The following ZNF410 variants were observed in gnomAD, a reference collection of about 807,000 sequenced individuals.
ZNF410 encodes another partner for ARF 1.
Under a neutral mutation model 54.8 loss-of-function variants are expected in ZNF410, and 18 were observed. The observed-to-expected ratio is 0.33, with a 90% CI of 0.23 to 0.49. The LOEUF (loss-of-function observed/expected upper bound fraction) is 0.49, where lower values mean the gene tolerates loss of function less well. ZNF410 is among the 20% of genes least tolerant of loss of function. The pLI, the probability that ZNF410 is intolerant of heterozygous loss-of-function variation, is 0.99. For synonymous variants in ZNF410, 191 were observed against 207.3 expected (o/e 0.92, Z 0.68); for missense variants, 405 against 569.6 (o/e 0.71, Z 2.94).
chr14:73,892,999 G>A lies in ZNF410; in HGVS notation c.33+791G>A, dbSNP rs567413819. Among the ~76,000 whole-genome samples the A allele has an allele frequency of 1.1e-4, 17 of 152,102 alleles. No homozygotes were observed. The South Asian group carries it at 1.9e-3, about 17-fold the overall frequency. On this transcript the variant is annotated intron_variant, in intron 2 of 11. Transcript: ENST00000555044. ...TGGGAGGCTGAGGCAGGAGAATGGC[G>A]TGAACCCAGGAGGTGGAGCTTGCAG... is the stretch of plus-strand genomic sequence containing the variant.
At chr14:73,912,870 C>CT (rs371094338) in intron 8 of ZNF410, among the ~76,000 whole-genome samples, 93 of 143,784 alleles carry the variant, frequency 6.5e-4, no homozygotes, top group Non-Finnish European at 9.2e-4. Context: ...TTAGTAGTTT[C>CT]TTTTTTTTTT....
At chr14:73,921,360 A>G in intron 9 of ZNF410, 1 of 355,636 alleles carries the variant, frequency 2.8e-6, no homozygotes, top group East Asian at 5.7e-5. Flanking sequence ...ATAATTTGCA[A>G]GATCCTAGAA....
At chr14:73,893,590 C>G in intron 2 of ZNF410, 1 of 474,456 alleles carries the variant, frequency 2.1e-6, no homozygotes, top group East Asian at 3.5e-5. Context: ...ACTGAAATGT[C>G]GTTTTGCAGC....
Position 73,923,439 on chromosome 14 carries a change from G to T in ZNF410, c.1315G>T (p.Asp439Tyr). 6.2e-7 allele frequency: 1 copy of T among 1,614,060 alleles called. No homozygotes were observed. The highest frequency in any genetic ancestry group is 8.5e-7 in the Non-Finnish European group (1 of 1,179,972). Reference protein sequence around the residue: ...GSPRSLSSVPDVTHHLVTMQS... With the variant: ...GSPRSLSSVPYVTHHLVTMQS... ...CCCACGTTCCCTGTCTTCAGTGCCT[G>T]ATGTGACACATCACCTGGTGACCAT... The change falls in exon 11 of 12, where the codon GAT becomes TAT. Residue 439 changes from aspartate (D) to tyrosine (Y), a missense_variant. Asp to Tyr is a radical substitution (Grantham distance 160). Around this residue, in one of 3 missense-constraint regions of ZNF410, gnomAD observed 127 missense variants for 141.3 expected, o/e 0.90. Transcript: ENST00000555044.
chr14:73,893,801 T>G lies in ZNF410; in HGVS notation c.38T>G (p.Leu13Arg), dbSNP rs749207538. Residue 13 changes from leucine (L) to arginine (R), a missense_variant, in exon 3 of 12, where the codon CTG (leucine) becomes CGG (arginine). Transcript: ENST00000555044. ...TGTTGTCTTTTCTCCCCCCAGCTCCTGGTACAGTTTGTTCAGAATACGTCC... is the reference window on the plus strand; with the variant it reads ...TGTTGTCTTTTCTCCCCCCAGCTCCGGGTACAGTTTGTTCAGAATACGTCC... ...SDELESKPEL[L>R]VQFVQNTSIP... 5 of 1,603,506 alleles carry G rather than the reference T, an allele frequency of 3.1e-6. No homozygotes were observed. In the South Asian group the frequency reaches 5.7e-5, roughly 18 times the overall value.
At chr14:73,930,157 AC>A (rs1430421270) in intron 11 of ZNF410, among the ~76,000 whole-genome samples, 1 of 152,192 alleles carries the variant, frequency 6.6e-6, no homozygotes, top group Non-Finnish European at 1.5e-5. Flanking sequence ...CTCATAAAGT[AC>A]CTTTGCTAAG....
At chr14:73,925,331 A>C (rs755927913) in intron 11 of ZNF410, among the ~76,000 whole-genome samples, 7 of 152,182 alleles carry the variant, frequency 4.6e-5, no homozygotes, top group Admixed American at 2.0e-4. Flanking sequence ...TTTATTATGG[A>C]AATTTTCAGA....
intron 9 of ZNF410, 127 bp from the exon 10 acceptor site, chr14:73,921,939 G>T (rs2055761332): frequency 9.8e-6 from 10 of 1,019,322 alleles, no homozygotes; most frequent in Non-Finnish European, 1.5e-5. Flanking sequence ...GGTGAAATAG[G>T]GGGTGGCATC....
chr14:73,895,877 G>A (rs568073597), intron 3 of ZNF410, among the ~76,000 whole-genome samples: 4 of 152,140 alleles, frequency 2.6e-5, no homozygotes, highest in African/African-American at 4.8e-5. Context: ...AAAAGGTAAT[G>A]GCAAAAACTG....
chr14:73,887,766 GCAGT>G (rs2055166822), intron 1 of ZNF410, among the ~76,000 whole-genome samples: 1 of 152,178 alleles, frequency 6.6e-6, no homozygotes, highest in Non-Finnish European at 1.5e-5. Context: ...AACTAAAGTA[GCAGT>G]CAGAAGTTTT....
chr14:73,900,065 C>T (rs1329570926), intron 5 of ZNF410, among the ~76,000 whole-genome samples: 1 of 149,916 alleles, frequency 6.7e-6, no homozygotes, highest in African/African-American at 2.4e-5. Context: ...CGTGGTGGCG[C>T]ATGCATGTAA....
At position 73,893,796 on chromosome 14, in the gene ZNF410, G is replaced by T. The variant is rs780092056; in HGVS notation, c.34-1G>T. On this transcript the variant is annotated splice_acceptor_variant, in intron 2 of 11. Coordinates refer to ENST00000555044, the MANE Select transcript of ZNF410 (RefSeq NM_021188.3). LOFTEE classifies it high-confidence loss of function. ...CTCAGTGTTGTCTTTTCTCCCCCCA[G>T]CTCCTGGTACAGTTTGTTCAGAATA... 6.3e-7 allele frequency: 1 copy of T among 1,597,410 alleles called. No homozygotes were observed. The highest frequency in any genetic ancestry group is 8.5e-7 in the Non-Finnish European group (1 of 1,175,506).
At chr14:73,926,067 CTTGTT>C (rs1196596305) in intron 11 of ZNF410, among the ~76,000 whole-genome samples, 2 of 152,060 alleles carry the variant, frequency 1.3e-5, no homozygotes, top group Non-Finnish European at 2.9e-5. Flanking sequence ...TTATACTGTT[CTTGTT>C]TTATCTCTTT....
intron 8 of ZNF410, among the ~76,000 whole-genome samples, chr14:73,919,749 G>A (rs927632151): frequency 1.3e-5 from 2 of 152,146 alleles, no homozygotes; most frequent in African/African-American, 4.8e-5. Context: ...CATTGAACAT[G>A]TGAGGGCAAG....
intron 5 of ZNF410, 75 bp from the exon 6 acceptor site, chr14:73,903,885 A>C: frequency 2.6e-6 from 4 of 1,555,098 alleles, no homozygotes; most frequent in Non-Finnish European, 3.5e-6. Flanking sequence ...AGTAAAATAT[A>C]GGAGCTTTAT....
At chr14:73,918,108 T>A (rs2055696313) in intron 8 of ZNF410, among the ~76,000 whole-genome samples, 1 of 152,150 alleles carries the variant, frequency 6.6e-6, no homozygotes, top group African/African-American at 2.4e-5. Context: ...TATTGTTATT[T>A]TTTATTTATT....
At chr14:73,898,769 T>C (rs1009262804) in intron 5 of ZNF410, among the ~76,000 whole-genome samples, 11 of 152,268 alleles carry the variant, frequency 7.2e-5, no homozygotes, top group Non-Finnish European at 1.5e-4. Context: ...ATGGTTTTAA[T>C]GCTTTTTCTT....
chr14:73,898,826 G>A (rs563744727), intron 5 of ZNF410, among the ~76,000 whole-genome samples: 18 of 152,272 alleles, frequency 1.2e-4, no homozygotes, highest in African/African-American at 4.1e-4. Flanking sequence ...ACTTTTCTCT[G>A]TTCTAGTAAT....
intron 7 of ZNF410, 22 bp from the exon 8 acceptor site, chr14:73,909,315 GTCTT>G: frequency 1.9e-6 from 3 of 1,596,086 alleles, no homozygotes; most frequent in Non-Finnish European, 2.6e-6. Context: ...AGAAGACTGA[GTCTT>G]TATCTCATTT....
Sources: allele counts gnomAD v4.1 joint callset (sites outside exome capture counted in the v4.1 genomes callset), GRCh38; gene constraint gnomAD v4.1.1; regional missense constraint gnomAD v4.1.1; transcripts MANE v1.5; gene names NCBI Gene and HGNC (gene_info 2026-07-23, HGNC 2026-07-21).